Variants in RNF32 observed in about 807,000 individuals in gnomAD.
The protein encoded by RNF32 is ring finger protein 32.
In RNF32, 36 loss-of-function variants were observed where a neutral mutation model predicts 41.0. That is an observed-to-expected ratio of 0.88 (90% confidence interval 0.67 to 1.16). The LOEUF is 1.16. Among genes scored for constraint, RNF32 ranks in the 50% most tolerant of loss-of-function variants. The pLI is 0.00. For synonymous variants in RNF32, 154 were observed against 160.9 expected (o/e 0.96, Z 0.32); for missense variants, 413 against 436.7 (o/e 0.95, Z 0.48).
intron 3 of RNF32, among the ~76,000 whole-genome samples, chr7:156,647,833 C>T (rs954467748): frequency 5.3e-5 from 8 of 152,296 alleles, no homozygotes; most frequent in Middle Eastern, 3.4e-3. Context: ...ACCACATCAA[C>T]GCCAACATCT....
At chr7:156,647,183 T>C (rs534524410) in intron 3 of RNF32, among the ~76,000 whole-genome samples, 5 of 152,036 alleles carry the variant, frequency 3.3e-5, no homozygotes, top group South Asian at 4.1e-4. Context: ...TTGTTTTTTG[T>C]GTGTGTTTCT....
chr7:156,659,830 T>C (rs1389549129), intron 7 of RNF32: 1 of 838,378 alleles, frequency 1.2e-6, no homozygotes, highest in Non-Finnish European at 1.4e-6. Flanking sequence ...AGTGCTCAGG[T>C]GTTCAAATGC....
Position 156,676,977 on chromosome 7 carries a change from C to T in RNF32, c.*322C>T. 4.0e-6 allele frequency: 1 copy of T among 252,362 alleles called. No individual in the cohort carries two copies. Among genetic ancestry groups the T allele is most frequent in the Non-Finnish European group, 7.7e-6 (1 of 129,334 alleles). The allele number at this position is 252,362 out of a possible 1,614,324, so 15.6% of individuals were successfully genotyped here. ...GAACGACACTCCTTAAAGTAAGTTC[C>T]AAATGTAAAACACTCCTTAAGTTCC... On this transcript the variant is annotated 3_prime_UTR_variant, in exon 9 of 9. Coordinates refer to ENST00000317955, the MANE Select transcript of RNF32 (RefSeq NM_030936.4).
chr7:156,676,814 GA>G lies in RNF32; in HGVS notation c.*160del. 1.7e-6 allele frequency: 1 copy of G among 600,582 alleles called. No homozygotes were observed. Among genetic ancestry groups the G allele is most frequent in the Non-Finnish European group, 2.9e-6 (1 of 343,702 alleles). The allele number at this position is 600,582 out of a possible 1,614,324, so 37.2% of individuals were successfully genotyped here. A position where few individuals can be genotyped will look rare whatever the true frequency, so the allele number is the denominator to read the frequency against. ...GAAATCTTAGTATATTTTAAAAGCT[GA>G]CATCCCACCTAATTTTAATCTTTGG... On this transcript the variant is annotated 3_prime_UTR_variant, in exon 9 of 9. Transcript: ENST00000317955.
chr7:156,675,908 C>G (rs761551424), intron 8 of RNF32, 45 bp downstream of exon 8: 2 of 1,583,296 alleles, frequency 1.3e-6, no homozygotes, highest in Admixed American at 3.3e-5. Context: ...TCAGCTGCAG[C>G]TGCAGAGGCT....
intron 3 of RNF32, among the ~76,000 whole-genome samples, chr7:156,651,296 C>T (rs143838029): frequency 0.017 from 2,641 of 151,512 alleles, 78 homozygotes; most frequent in African/African-American, 0.061. Flanking sequence ...TCACTGCAAC[C>T]TCCACCTCCC....
intron 3 of RNF32, 176 bp from the exon 4 acceptor site, chr7:156,654,400 A>C: frequency 1.9e-6 from 1 of 528,084 alleles, no homozygotes; most frequent in East Asian, 3.0e-5. Context: ...GCATCCTTGG[A>C]ATGTCCTGGA....
rs113826082 is a variant in RNF32 at position 156,670,163 on chromosome 7, C to T, written c.685-5533C>T. 4.5e-3 allele frequency among the ~76,000 whole-genome samples: 680 copies of T among 152,310 alleles called. 3 individuals are homozygous for T. The highest frequency in any genetic ancestry group is 0.024 in the Middle Eastern group (7 of 294). On this transcript the variant is annotated intron_variant, in intron 7 of 8. Coordinates refer to ENST00000317955, the MANE Select transcript of RNF32 (RefSeq NM_030936.4). This position sits in a 1 kb window ranked among gnomAD's most constrained non-coding sequence, Gnocchi z 4.3. Reference sequence around the variant, plus strand: ...CAAATATTAGAGCATTTAAGTCATACGTGGAATCACCAAAAGCACACAATT... The same window carrying T: ...CAAATATTAGAGCATTTAAGTCATATGTGGAATCACCAAAAGCACACAATT...
intron 7 of RNF32, among the ~76,000 whole-genome samples, chr7:156,668,378 T>C (rs2131601063): frequency 6.6e-6 from 1 of 152,264 alleles, no homozygotes; most frequent in Non-Finnish European, 1.5e-5. Context: ...ACCATAAGAT[T>C]CACACAGGAA....
At chr7:156,659,075 G>A in intron 7 of RNF32, 1 of 1,365,578 alleles carries the variant, frequency 7.3e-7, no homozygotes, top group Non-Finnish European at 9.4e-7. Context: ...CACTATTTAT[G>A]CTTTAGTTTT....
intron 7 of RNF32, among the ~76,000 whole-genome samples, chr7:156,660,820 T>C (rs79873976): frequency 0.018 from 2,807 of 152,350 alleles, 84 homozygotes; most frequent in African/African-American, 0.065. Flanking sequence ...CCCGGGCGGT[T>C]GGATTACGGT....
intron 7 of RNF32, among the ~76,000 whole-genome samples, chr7:156,672,532 G>C (rs1802783002): frequency 6.6e-6 from 1 of 152,200 alleles, no homozygotes; most frequent in South Asian, 2.1e-4. Context: ...TAAAGTGTTT[G>C]AAGGAAAATG....
intron 3 of RNF32, chr7:156,646,585 C>G: frequency 9.6e-7 from 1 of 1,040,680 alleles, no homozygotes; most frequent in Non-Finnish European, 1.3e-6. Flanking sequence ...TGAGATGACA[C>G]AATTCAACCC....
intron 4 of RNF32, among the ~76,000 whole-genome samples, chr7:156,655,349 TAACTA>T (rs1396549634): frequency 2.0e-5 from 3 of 152,078 alleles, no homozygotes; most frequent in South Asian, 2.1e-4. Context: ...TTTGTCTGCC[TAACTA>T]AACTATTGTC....
chr7:156,641,498 C>T (rs553876610), intron 1 of RNF32, among the ~76,000 whole-genome samples: 1 of 152,206 alleles, frequency 6.6e-6, no homozygotes, highest in Non-Finnish European at 1.5e-5. Context: ...AAGGACTCAC[C>T]TGGTATTTGG....
At chr7:156,661,307 G>A (rs1044695283) in intron 7 of RNF32, among the ~76,000 whole-genome samples, 1 of 148,332 alleles carries the variant, frequency 6.7e-6, no homozygotes, top group Non-Finnish European at 1.5e-5. Flanking sequence ...TCGTTCTGTT[G>A]CTGGGGGCCT....
chr7:156,650,374 G>C (rs1032665939), intron 3 of RNF32, among the ~76,000 whole-genome samples: 1 of 152,164 alleles, frequency 6.6e-6, no homozygotes, highest in African/African-American at 2.4e-5. Flanking sequence ...ATTGGCAAAG[G>C]GTAGCAAGAC....
At chr7:156,662,637 G>A (rs1800808781) in intron 7 of RNF32, among the ~76,000 whole-genome samples, 2 of 151,908 alleles carry the variant, frequency 1.3e-5, no homozygotes, top group African/African-American at 4.8e-5. Context: ...TACACAGAAA[G>A]GGAGGTGTAC....
intron 7 of RNF32, chr7:156,658,880 A>G: frequency 6.5e-7 from 1 of 1,548,882 alleles, no homozygotes. Context: ...ACTGGAAACC[A>G]GCTTAATTTT....
Sources: gnomAD v4.1 joint callset for allele counts (sites outside exome capture counted in the v4.1 genomes callset) on GRCh38, gnomAD v4.1.1 for gene constraint, Gnocchi (gnomAD v3.1) non-coding constraint, MANE v1.5 for transcripts, NCBI Gene and HGNC (gene_info 2026-07-23, HGNC 2026-07-21) for gene names.